Variants in MACF1 observed in about 807,000 individuals in gnomAD.
The protein encoded by MACF1 is microtubule-actin cross-linking factor 1.
MACF1 carries 193 observed loss-of-function variants against 854.8 expected under a neutral mutation model. The observed-to-expected ratio is 0.23, with a 90% CI of 0.20 to 0.25. The LOEUF (loss-of-function observed/expected upper bound fraction) is 0.25, where lower values mean the gene tolerates loss of function less well. MACF1 is among the 10% of genes least tolerant of loss of function. The pLI is 1.00. For missense variants in MACF1, 7,722 were observed against 8,929.1 expected (o/e 0.86, Z 5.45); for synonymous variants, 3,185 against 3,226.7 (o/e 0.99, Z 0.44).
rs750276629 is a variant in MACF1, at chr1:39,387,214, C to G, written c.14372C>G (p.Ala4791Gly). The part of the protein sequence containing the change: ...AADRINRLQA[A>G]LASTQQFQQM... Reference sequence around the variant, plus strand: ...GATCGCATTAACAGACTCCAGGCAGCTCTTGCCAGCACCCAGCAGTTCCAG... The same window carrying G: ...GATCGCATTAACAGACTCCAGGCAGGTCTTGCCAGCACCCAGCAGTTCCAG... Residue 4791 changes from alanine (A) to glycine (G), a missense_variant, in exon 58 of 101, where the codon GCT (alanine) becomes GGT (glycine). This residue lies in a region of MACF1 where 2,807 missense variants were observed against 3,235.8 expected (regional missense o/e 0.87). Transcript: ENST00000564288. 5.0e-6 allele frequency: 8 copies of G among 1,614,080 alleles called. No homozygotes were observed. Among genetic ancestry groups the G allele is most frequent in the Non-Finnish European group, 6.8e-6 (8 of 1,179,976 alleles).
At position 39,095,028 on chromosome 1, in the gene MACF1, AGTT is replaced by A. The variant is rs534998739; in HGVS notation, c.220+10594_220+10596del. On this transcript the variant is annotated intron_variant, in intron 2 of 93. Coordinates refer to the MACF1 transcript ENST00000361689. ...ATGCCACCCTTCAGGAATCTTCACG[AGTT>A]GTTATCCTGGAAGCTCCCTGAATCT... is the stretch of plus-strand genomic sequence containing the variant. Among the ~76,000 whole-genome samples the A allele has an allele frequency of 8.0e-4, 122 of 152,266 alleles. 1 individual carries two copies. The highest frequency in any genetic ancestry group is 2.8e-3 in the African/African-American group (117 of 41,556).
chr1:39,345,480 G>A (rs796753957), intron 40 of MACF1, among the ~76,000 whole-genome samples: 3 of 152,216 alleles, frequency 2.0e-5, no homozygotes, highest in Non-Finnish European at 1.5e-5. Context: ...GCATGGTGGT[G>A]CACACGTGTG....
rs1646747103 is a variant in MACF1, at chr1:39,332,617, A to G, written c.6029A>G (p.His2010Arg). ...TSPPKVVEIG[H>R]QRQKTPEGLQ... is the part of the protein sequence containing the mutation. ...CCTCCAAAAGTGGTTGAAATTGGGC[A>G]TCAAAGGCAAAAAACTCCTGAGGGA... Residue 2010 changes from histidine to arginine, a missense_variant, in exon 37 of 101, where the codon CAT (histidine) becomes CGT (arginine). By Grantham distance (29) the His-to-Arg change is conservative (BLOSUM62 0). This residue lies in a region of MACF1 where 1,531 missense variants were observed against 1,601.6 expected (regional missense o/e 0.96). Coordinates refer to ENST00000564288, the MANE Select transcript of MACF1 (RefSeq NM_001394062.1). 2.5e-6 allele frequency: 4 copies of G among 1,614,204 alleles called. No homozygotes were observed. The Middle Eastern group carries it at 6.6e-4, about 266-fold the overall frequency.
At chr1:39,231,100 A>AGAG in intron 1 of MACF1, 82 bp from the exon 2 acceptor site, 1 of 1,008,336 alleles carries the variant, frequency 9.9e-7, no homozygotes, top group Non-Finnish European at 1.6e-6. Flanking sequence ...CTAGAGAAAC[A>AGAG]GAGATGTGGG....
chr1:39,302,184 G>A (rs1245317648), intron 22 of MACF1, among the ~76,000 whole-genome samples: 1 of 152,074 alleles, frequency 6.6e-6, no homozygotes, highest in Non-Finnish European at 1.5e-5. Flanking sequence ...TTTTTGTAGA[G>A]ATGAGGTTTT....
chr1:39,179,209 C>T (rs956863089), intron 2 of MACF1, among the ~76,000 whole-genome samples: 11 of 152,192 alleles, frequency 7.2e-5, no homozygotes, highest in African/African-American at 2.4e-4. Context: ...CCATCTTTGT[C>T]TTTGCTCATA....
intron 67 of MACF1, 140 bp downstream of exon 67, chr1:39,432,794 G>A (rs1184602570): frequency 3.8e-5 from 40 of 1,051,050 alleles, no homozygotes; most frequent in Non-Finnish European, 5.0e-5. Flanking sequence ...GTATTTGGTT[G>A]AGATGAGGAA....
At chr1:39,321,359 A>C (rs1295127648) in intron 31 of MACF1, among the ~76,000 whole-genome samples, 1 of 152,198 alleles carries the variant, frequency 6.6e-6, no homozygotes, top group Non-Finnish European at 1.5e-5. Flanking sequence ...CTTAAAGTGC[A>C]CTCAGTAAGT....
At chr1:39,100,976 G>T (rs1337230936) in intron 2 of MACF1, among the ~76,000 whole-genome samples, 1 of 152,108 alleles carries the variant, frequency 6.6e-6, no homozygotes, top group Non-Finnish European at 1.5e-5. Context: ...ACCCAGGCTG[G>T]TCTTGAACTC....
chr1:39,475,525 G>C (rs1557673758), intron 97 of MACF1, among the ~76,000 whole-genome samples: 1 of 151,966 alleles, frequency 6.6e-6, no homozygotes, highest in Non-Finnish European at 1.5e-5. Flanking sequence ...GGGCTGGGTG[G>C]GTGGTGAGAT....
rs951441405 is a variant in MACF1, at chr1:39,424,105, A to G, written c.16227A>G (p.Ser5409=). The change falls in exon 61 of 101, where the codon TCA becomes TCG. Residue 5409 remains serine, a synonymous_variant. Transcript: ENST00000564288. ...CAGAAGGAGGCAGAATAGCCCAGTC[A>G]GCAGAGCTGGCTGATAGAGAGAAAA... The part of the protein sequence containing the change: ...LQAEGGRIAQ[S]AELADREKIT... 6.2e-7 allele frequency: 1 copy of G among 1,613,156 alleles called. No homozygotes were observed. The highest frequency in any genetic ancestry group is 8.5e-7 in the Non-Finnish European group (1 of 1,179,910).
intron 15 of MACF1, 144 bp downstream of exon 15, chr1:39,287,706 T>C: frequency 2.1e-6 from 2 of 937,446 alleles, no homozygotes; most frequent in East Asian, 2.5e-5. Context: ...GGGGTCTTGC[T>C]ATGTTGCCCA....
At chr1:39,443,062 C>A in intron 78 of MACF1, 151 bp downstream of exon 78, 1 of 742,702 alleles carries the variant, frequency 1.3e-6, no homozygotes, top group Non-Finnish European at 2.1e-6. Flanking sequence ...CTAGAAAGAG[C>A]AGCTTTTGAT....
rs548675797 is a variant in MACF1 at position 39,437,834 on chromosome 1, C to T, written c.18046C>T (p.Arg6016Cys). Residue 6016 changes from arginine to cysteine, a missense_variant, in exon 71 of 101, where the codon CGT becomes TGT. Transcript: ENST00000564288. ...ACTGGAGAATCTTTCCTCTCGCCTG[C>T]GTATGCCACCACTGATCCCTGCTGA... is the stretch of plus-strand genomic sequence containing the variant. ...ETLENLSSRL[R>C]MPPLIPAEVD... The T allele has an allele frequency of 5.9e-5, 95 of 1,614,100 alleles. 1 individual carries two copies. In the South Asian group the frequency reaches 9.1e-4, roughly 15 times the overall value.
chr1:39,388,731 A>G (rs1641894503), intron 58 of MACF1, 73 bp downstream of exon 58: 3 of 1,388,712 alleles, frequency 2.2e-6, no homozygotes, highest in African/African-American at 2.9e-5. Context: ...CCAGTCAAGT[A>G]TACATTTTAA....
In MACF1 at chr1:39,341,834, T is replaced by A. The variant is rs575962226; in HGVS notation, c.10581+881T>A. 7.3e-5 allele frequency among the ~76,000 whole-genome samples: 11 copies of A among 151,610 alleles called. No homozygotes were observed. The Admixed American group carries it at 7.3e-4, about 10-fold the overall frequency. On this transcript the variant is annotated intron_variant, in intron 40 of 100. Coordinates refer to ENST00000564288, the MANE Select transcript of MACF1 (RefSeq NM_001394062.1). ...TCTCTTTATAAATGAGCATCTAGGA[T>A]CCGTCCTTTGTTTCTTTTTTGACCA...
chr1:39,450,198 T>C (rs1644312330), intron 84 of MACF1, among the ~76,000 whole-genome samples: 2 of 152,004 alleles, frequency 1.3e-5, no homozygotes, highest in Non-Finnish European at 2.9e-5. Flanking sequence ...GGTCTTGCTA[T>C]TGTCCAGGCT....
rs763096276 is a variant in MACF1, at chr1:39,231,238, A to T, written c.166A>T (p.Met56Leu). ...TFTKWVNKHLMKVRKHINDLY... is the reference protein window; with the variant it reads ...TFTKWVNKHLLKVRKHINDLY... Reference sequence around the variant, plus strand: ...CACCAAGTGGGTCAACAAGCACTTAATGAAGGTAGGACCCTTTCATATATA... The same window carrying T: ...CACCAAGTGGGTCAACAAGCACTTATTGAAGGTAGGACCCTTTCATATATA... The change falls in exon 2 of 101, where the codon ATG (methionine) becomes TTG (leucine). Residue 56 changes from methionine (M) to leucine (L), a missense_variant. Met to Leu is a conservative substitution (Grantham distance 15). Around this residue, in one of 15 missense-constraint regions of MACF1, gnomAD observed 82 missense variants for 84.0 expected, o/e 0.98. Transcript: ENST00000564288. The T allele has an allele frequency of 5.6e-6, 9 of 1,614,130 alleles. No homozygotes were observed. In the East Asian group the frequency reaches 2.0e-4, roughly 36 times the overall value.
intron 2 of MACF1, among the ~76,000 whole-genome samples, chr1:39,125,390 A>C (rs1384186295): frequency 6.6e-6 from 1 of 152,206 alleles, no homozygotes; most frequent in Non-Finnish European, 1.5e-5. Flanking sequence ...AGTAGTGGGG[A>C]GAATAGTTCT....
Sources: allele counts gnomAD v4.1 joint callset (sites outside exome capture counted in the v4.1 genomes callset), GRCh38; gene constraint gnomAD v4.1.1; regional missense constraint gnomAD v4.1.1; transcripts MANE v1.5; gene names NCBI Gene and HGNC (gene_info 2026-07-23, HGNC 2026-07-21).